CCDC178: variants seen among roughly 807,000 people sequenced by gnomAD.
The protein encoded by CCDC178 is coiled-coil domain-containing protein 178.
Under a neutral mutation model 117.4 loss-of-function variants are expected in CCDC178, and 126 were observed. The observed-to-expected ratio is 1.07, with a 90% CI of 0.93 to 1.24. The LOEUF (loss-of-function observed/expected upper bound fraction) is 1.24. Ranked by LOEUF, CCDC178 falls within the 50% of genes most tolerant of loss-of-function variation. The probability of loss-of-function intolerance (pLI) is 0.00; values close to 1 mark genes in which losing one functional copy is unlikely to be tolerated. For missense variants in CCDC178, 1,030 were observed against 986.9 expected, an observed-to-expected ratio of 1.04 and a Z score of -0.59; for synonymous variants, 283 against 313.4, an observed-to-expected ratio of 0.90 and a Z score of 1.02.
At chr18:33,363,493 G>A (rs971037019) in intron 6 of CCDC178, among the ~76,000 whole-genome samples, 1 of 151,854 alleles carries the variant, frequency 6.6e-6, no homozygotes, top group African/African-American at 2.4e-5. Context: ...GAGCAGAACT[G>A]GGTTCTAATA....
chr18:33,134,469 T>G (rs1417457447), intron 20 of CCDC178, among the ~76,000 whole-genome samples: 2 of 152,022 alleles, frequency 1.3e-5, no homozygotes, highest in East Asian at 1.9e-4. Flanking sequence ...ATCAAGAAAT[T>G]TATTGCAATT....
chr18:33,056,184 G>A (rs1406857279), intron 21 of CCDC178, among the ~76,000 whole-genome samples: 1 of 152,164 alleles, frequency 6.6e-6, no homozygotes, highest in African/African-American at 2.4e-5. Context: ...ACATGTGATT[G>A]AAATGTCAAT....
rs774326917 is a variant in CCDC178 at position 33,348,921 on chromosome 18, T to G, written c.426A>C (p.Pro142=). 1.2e-6 allele frequency: 2 copies of G among 1,610,574 alleles called. No homozygotes were observed. Among genetic ancestry groups the G allele is most frequent in the African/African-American group, 2.7e-5 (2 of 74,798 alleles). ...DLKEDWSVTT[P]VKEVKPGEKR... ...TTTCTCCTGGTTTGACCTCTTTCAC[T>G]GGTGTAGTTACACTCCAATCTTCTT... Residue 142 remains proline (P), a synonymous_variant, in exon 8 of 23, where the codon CCA becomes CCC. Coordinates refer to ENST00000383096, the MANE Select transcript of CCDC178 (RefSeq NM_001105528.4).
At chr18:33,083,334 G>A (rs2057326401) in intron 21 of CCDC178, among the ~76,000 whole-genome samples, 1 of 152,236 alleles carries the variant, frequency 6.6e-6, no homozygotes, top group Middle Eastern at 3.4e-3. Context: ...GCATATTTTG[G>A]TAATGTTCCT....
At chr18:33,435,228 C>T (rs1454149376) in intron 2 of CCDC178, among the ~76,000 whole-genome samples, 2 of 152,106 alleles carry the variant, frequency 1.3e-5, no homozygotes, top group Admixed American at 1.3e-4. Flanking sequence ...TGTTCTCTGT[C>T]ATAGCCACTA....
At chr18:33,283,310 A>G (rs1028684232) in intron 12 of CCDC178, among the ~76,000 whole-genome samples, 12 of 152,168 alleles carry the variant, frequency 7.9e-5, no homozygotes, top group Non-Finnish European at 1.0e-4. Context: ...AAAGTCATCA[A>G]CAGGATTAAA....
At chr18:33,254,514 T>A (rs2059656079) in intron 14 of CCDC178, among the ~76,000 whole-genome samples, 1 of 151,900 alleles carries the variant, frequency 6.6e-6, no homozygotes, top group African/African-American at 2.4e-5. Context: ...AAGTTTATAC[T>A]CTCATGAAGG....
intron 20 of CCDC178, among the ~76,000 whole-genome samples, chr18:33,177,279 G>A (rs930027887): frequency 4.6e-5 from 7 of 152,054 alleles, no homozygotes; most frequent in African/African-American, 7.2e-5. Flanking sequence ...AGGTTGATAC[G>A]TGCAGCAAAC....
At chr18:33,335,081 C>G (rs2062721848) in intron 9 of CCDC178, among the ~76,000 whole-genome samples, 1 of 151,978 alleles carries the variant, frequency 6.6e-6, no homozygotes, top group Non-Finnish European at 1.5e-5. Flanking sequence ...GCTCTTTCTA[C>G]TGAGCCAACT....
At chr18:33,295,938 TC>T (rs1329472233) in intron 11 of CCDC178, among the ~76,000 whole-genome samples, 2 of 152,146 alleles carry the variant, frequency 1.3e-5, no homozygotes, top group East Asian at 3.8e-4. Context: ...TTGATATTTA[TC>T]CGAGAGAAAT....
chr18:33,046,513 G>C (rs74771444), intron 21 of CCDC178, among the ~76,000 whole-genome samples: 3,000 of 149,446 alleles, frequency 0.02, 57 homozygotes, highest in East Asian at 0.1. Flanking sequence ...ACAAGACAAA[G>C]CTAAGTATAA....
At chr18:33,297,910 C>T (rs527732156) in intron 11 of CCDC178, among the ~76,000 whole-genome samples, 70 of 152,042 alleles carry the variant, frequency 4.6e-4, no homozygotes, top group South Asian at 8.3e-4. Flanking sequence ...GACGTGGTGG[C>T]GGGCGCCTGT....
chr18:32,980,858 AC>A (rs1218998446), intron 21 of CCDC178, among the ~76,000 whole-genome samples: 3 of 152,220 alleles, frequency 2.0e-5, no homozygotes, highest in African/African-American at 7.2e-5. Flanking sequence ...ATAATTTGAT[AC>A]AAAAACTTTG....
At chr18:33,199,169 A>T (rs2058965403) in intron 20 of CCDC178, among the ~76,000 whole-genome samples, 3 of 152,066 alleles carry the variant, frequency 2.0e-5, no homozygotes, top group Admixed American at 1.3e-4. Flanking sequence ...CTGCTACTTT[A>T]TTAGGGACCC....
chr18:33,046,099 T>C (rs542979370), intron 21 of CCDC178, among the ~76,000 whole-genome samples: 122 of 152,248 alleles, frequency 8.0e-4, no homozygotes, highest in African/African-American at 2.8e-3. Flanking sequence ...TTTAGTAAGA[T>C]AGTAGATGAT....
intron 14 of CCDC178, among the ~76,000 whole-genome samples, chr18:33,266,148 T>C (rs1042513985): frequency 2.0e-5 from 3 of 152,036 alleles, no homozygotes; most frequent in African/African-American, 4.8e-5. Flanking sequence ...AACTGTAGTC[T>C]GAAAAGATTA....
chr18:33,249,447 A>G (rs940476616), intron 14 of CCDC178, among the ~76,000 whole-genome samples: 4 of 152,060 alleles, frequency 2.6e-5, no homozygotes, highest in African/African-American at 7.2e-5. Flanking sequence ...TTTTTGTATA[A>G]GGTGTAAGGA....
intron 21 of CCDC178, among the ~76,000 whole-genome samples, chr18:33,081,939 A>G (rs977885223): frequency 6.6e-6 from 1 of 152,196 alleles, no homozygotes; most frequent in Non-Finnish European, 1.5e-5. Context: ...TTGCTCTTCA[A>G]CTGACAAAAG....
intron 21 of CCDC178, among the ~76,000 whole-genome samples, chr18:33,084,746 G>T (rs1413182735): frequency 2.0e-5 from 3 of 151,736 alleles, no homozygotes; most frequent in Non-Finnish European, 4.4e-5. Flanking sequence ...CAGAGGAGGA[G>T]GTTGCAGTGA....
Sources: allele counts gnomAD v4.1 joint callset (sites outside exome capture counted in the v4.1 genomes callset), GRCh38; gene constraint gnomAD v4.1.1; transcripts MANE v1.5; gene names NCBI Gene and HGNC (gene_info 2026-07-23, HGNC 2026-07-21).